The following ATXN7L1 variants were observed in gnomAD, a reference collection of about 807,000 sequenced individuals.
The protein encoded by ATXN7L1 is ataxin 7 like 1, also known as ataxin-7-like protein 1.
ATXN7L1 carries 15 observed loss-of-function variants against 70.8 expected under a neutral mutation model. That is an observed-to-expected ratio of 0.21 (90% CI 0.14 to 0.33). ATXN7L1 has a LOEUF of 0.33. Among genes scored for constraint, ATXN7L1 ranks in the 10% least tolerant of loss-of-function variants. The pLI, the probability that ATXN7L1 is intolerant of heterozygous loss-of-function variation, is 1.00. For missense variants in ATXN7L1, 975 were observed against 1,097.1 expected, an observed-to-expected ratio of 0.89 and a Z score of 1.57; for synonymous variants, 440 against 445.1, an observed-to-expected ratio of 0.99 and a Z score of 0.14.
intron 2 of ATXN7L1, among the ~76,000 whole-genome samples, chr7:105,870,540 T>C (rs1174138015): frequency 6.6e-6 from 1 of 152,220 alleles, no homozygotes; most frequent in Non-Finnish European, 1.5e-5. Context: ...TTATCTCATT[T>C]AATCATCACA....
At chr7:105,667,268 G>A (rs4730100) in intron 3 of ATXN7L1, among the ~76,000 whole-genome samples, 79,795 of 151,938 alleles carry the variant, frequency 0.53, 21,438 homozygotes, top group Middle Eastern at 0.61. Flanking sequence ...GGCTACTCAA[G>A]GATCAGGGTG....
chr7:105,655,552 G>A (rs1800488616), intron 4 of ATXN7L1, among the ~76,000 whole-genome samples: 2 of 152,084 alleles, frequency 1.3e-5, no homozygotes, highest in South Asian at 4.2e-4. Context: ...TAGGGTCCTT[G>A]CAGTGTCTGC....
chr7:105,683,150 C>T (rs970226197), intron 3 of ATXN7L1, among the ~76,000 whole-genome samples: 1 of 152,200 alleles, frequency 6.6e-6, no homozygotes, highest in African/African-American at 2.4e-5. Flanking sequence ...AACGCTAATG[C>T]TACCAATTTG....
At chr7:105,855,576 G>T (rs1661665005) in intron 2 of ATXN7L1, among the ~76,000 whole-genome samples, 3 of 152,302 alleles carry the variant, frequency 2.0e-5, no homozygotes, top group Admixed American at 2.0e-4. Flanking sequence ...ATCAGGGCAT[G>T]ATTTATTATT....
chr7:105,675,018 G>T (rs1410393891), intron 3 of ATXN7L1, among the ~76,000 whole-genome samples: 2 of 152,122 alleles, frequency 1.3e-5, no homozygotes, highest in Non-Finnish European at 2.9e-5. Context: ...GCAACCTGGT[G>T]ATAATAACAG....
chr7:105,622,019 G>A (rs1795010822), intron 8 of ATXN7L1, among the ~76,000 whole-genome samples: 1 of 152,168 alleles, frequency 6.6e-6, no homozygotes, highest in Admixed American at 6.5e-5. Context: ...GGAATTTTCC[G>A]ACATAGAAGC....
chr7:105,872,894 C>A (rs1818479724), intron 2 of ATXN7L1, among the ~76,000 whole-genome samples: 1 of 151,120 alleles, frequency 6.6e-6, no homozygotes, highest in Non-Finnish European at 1.5e-5. Flanking sequence ...GTGGCTCATG[C>A]CTGTAATCCC....
chr7:105,761,599 T>C, intron 3 of ATXN7L1: 4 of 1,077,528 alleles, frequency 3.7e-6, no homozygotes, highest in Non-Finnish European at 5.3e-6. Flanking sequence ...CTTAAATGCG[T>C]CTTCATGATC....
At chr7:105,856,617 T>A (rs1038790858) in intron 2 of ATXN7L1, among the ~76,000 whole-genome samples, 1 of 151,912 alleles carries the variant, frequency 6.6e-6, no homozygotes. Context: ...TTTAAATATT[T>A]TATTCTTTAT....
chr7:105,769,479 G>A (rs1362978220), intron 3 of ATXN7L1, among the ~76,000 whole-genome samples: 1 of 152,150 alleles, frequency 6.6e-6, no homozygotes, highest in East Asian at 1.9e-4. Context: ...AGAAATGTGA[G>A]ACAAATTAAG....
chr7:105,773,065 T>C (rs1325006155), intron 3 of ATXN7L1, among the ~76,000 whole-genome samples: 1 of 152,200 alleles, frequency 6.6e-6, no homozygotes, highest in East Asian at 1.9e-4. Flanking sequence ...TCACCATCCT[T>C]TACATCTGAA....
At chr7:105,831,111 T>G (rs902852942) in intron 2 of ATXN7L1, among the ~76,000 whole-genome samples, 1 of 152,194 alleles carries the variant, frequency 6.6e-6, no homozygotes, top group Non-Finnish European at 1.5e-5. Flanking sequence ...TTACCGTAGA[T>G]GGGGTGACTG....
rs1028354222 is a variant in ATXN7L1, at chr7:105,665,144, G to A, written c.500C>T (p.Thr167Met). ...GGAGGTAAGTAGATTGTCTTTGGGC[G>A]TTTTGAATGGCTTTGAGGTGCTGCT... ...SASSTSKPFKTPKDNLLTSSS... is the reference protein window; with the variant it reads ...SASSTSKPFKMPKDNLLTSSS... The change falls in exon 4 of 12, where the codon ACG becomes ATG. Residue 167 changes from threonine to methionine, a missense_variant. Thr to Met is a moderately conservative substitution (Grantham distance 81). Around this residue, in one of 5 missense-constraint regions of ATXN7L1, gnomAD observed 192 missense variants for 215.5 expected, o/e 0.89. Coordinates refer to ENST00000419735, the MANE Select transcript of ATXN7L1 (RefSeq NM_020725.2). 7.5e-5 allele frequency: 116 copies of A among 1,551,622 alleles called. 1 individual carries two copies. The highest frequency in any genetic ancestry group is 9.3e-5 in the Non-Finnish European group (107 of 1,147,010).
chr7:105,728,964 T>C (rs1160539533), intron 3 of ATXN7L1, among the ~76,000 whole-genome samples: 1 of 152,078 alleles, frequency 6.6e-6, no homozygotes, highest in African/African-American at 2.4e-5. Flanking sequence ...TATAAATGCA[T>C]GATTGAATAA....
intron 9 of ATXN7L1, among the ~76,000 whole-genome samples, chr7:105,615,091 T>C (rs990475550): frequency 3.3e-5 from 5 of 152,158 alleles, no homozygotes; most frequent in Non-Finnish European, 7.3e-5. Context: ...TTTGGGTTCA[T>C]GAATAAAAGG....
intron 2 of ATXN7L1, among the ~76,000 whole-genome samples, chr7:105,826,286 G>A (rs1221175031): frequency 6.6e-6 from 1 of 152,192 alleles, no homozygotes; most frequent in Admixed American, 6.5e-5. Context: ...CTGGCTCAAT[G>A]TCTGTCACCA....
rs1358136231 is a variant in ATXN7L1 at position 105,733,517 on chromosome 7, CCCAT to C, written c.355+55083_355+55086del. 3.2e-4 allele frequency among the ~76,000 whole-genome samples: 17 copies of C among 52,546 alleles called. 3 individuals carry two copies. Among genetic ancestry groups the C allele is most frequent in the Admixed American group, 1.0e-3 (5 of 4,960 alleles). 34.5% of individuals were successfully genotyped at this position (52,546 alleles called of 152,430 possible). On this transcript the variant is annotated intron_variant, in intron 3 of 11. Transcript: ENST00000419735. ...ACCCATCCATCCTTCCATCCATCCACCCATCCATCCATCCATCCATCCACCCATC... is the reference window on the plus strand; with the variant it reads ...ACCCATCCATCCTTCCATCCATCCACCCATCCATCCATCCATCCACCCATC...
At chr7:105,631,420 T>C (rs1330217473) in intron 7 of ATXN7L1, among the ~76,000 whole-genome samples, 1 of 152,188 alleles carries the variant, frequency 6.6e-6, no homozygotes, top group Admixed American at 6.5e-5. Flanking sequence ...TCTACCACCT[T>C]ACACAACCAG....
At chr7:105,798,566 G>A (rs1228355226) in intron 2 of ATXN7L1, among the ~76,000 whole-genome samples, 1 of 152,200 alleles carries the variant, frequency 6.6e-6, no homozygotes, top group African/African-American at 2.4e-5. Flanking sequence ...GAATAACTGT[G>A]CAAAGGGCTC....
Sources: allele counts gnomAD v4.1 joint callset (sites outside exome capture counted in the v4.1 genomes callset), GRCh38; gene constraint gnomAD v4.1.1; regional missense constraint gnomAD v4.1.1; transcripts MANE v1.5; gene names NCBI Gene and HGNC (gene_info 2026-07-23, HGNC 2026-07-21).